PYGB: variants seen among roughly 807,000 people sequenced by gnomAD.
The protein encoded by PYGB is glycogen phosphorylase, brain form.
In PYGB, 82 loss-of-function variants were observed where a neutral mutation model predicts 94.3. That is an observed-to-expected ratio of 0.87 (90% CI 0.73 to 1.04). PYGB has a LOEUF of 1.04. PYGB is among the 50% of genes least tolerant of loss of function. The probability of loss-of-function intolerance (pLI) is 0.00; values close to 1 mark genes in which losing one functional copy is unlikely to be tolerated. For missense variants in PYGB, 1,132 were observed against 1,158.2 expected, an observed-to-expected ratio of 0.98 and a Z score of 0.33; for synonymous variants, 488 against 479.1, an observed-to-expected ratio of 1.02 and a Z score of -0.24.
chr20:25,283,483 G>A (rs886480727), intron 13 of PYGB, among the ~76,000 whole-genome samples: 4 of 152,212 alleles, frequency 2.6e-5, no homozygotes, highest in East Asian at 1.9e-4. Context: ...TGAGGGCCCC[G>A]AGGAGGACAG....
chr20:25,295,151 A>AC (rs1356493052), intron 18 of PYGB: 2 of 1,014,266 alleles, frequency 2.0e-6, no homozygotes, highest in Non-Finnish European at 3.1e-6. Flanking sequence ...TGTTCAGCAC[A>AC]TCAGGAACTG....
chr20:25,255,826 C>T (rs1600720669), intron 1 of PYGB, among the ~76,000 whole-genome samples: 3 of 151,990 alleles, frequency 2.0e-5, no homozygotes, highest in South Asian at 4.2e-4. Context: ...CTCCGCCTCC[C>T]GGGTTCAGGC....
Position 25,248,435 on chromosome 20 carries a change from C to T in PYGB, c.243+14C>T, listed in dbSNP as rs910618178. On this transcript the variant is annotated intron_variant, in intron 1 of 19. Coordinates refer to ENST00000216962, the MANE Select transcript of PYGB (RefSeq NM_002862.4). ...CGCGACCCCAAGGTGAGGCGCTGCC[C>T]CGCCCTGTGCGCCCGTGCCCGCTGA... The T allele has an allele frequency of 3.5e-6, 5 of 1,424,416 alleles. No homozygotes were observed. The African/African-American group carries it at 5.9e-5, about 17-fold the overall frequency. The allele number at this position is 1,424,416 out of a possible 1,614,324, so 88.2% of individuals were successfully genotyped here.
intron 13 of PYGB, among the ~76,000 whole-genome samples, 157 bp downstream of exon 13, chr20:25,283,434 G>C (rs1427172057): frequency 6.6e-6 from 1 of 152,178 alleles, no homozygotes; most frequent in Admixed American, 6.5e-5. Context: ...AGGCTGTTAG[G>C]GTTGCCTGAG....
intron 18 of PYGB, chr20:25,294,731 C>T (rs2088513061): frequency 1.6e-6 from 1 of 623,016 alleles, no homozygotes; most frequent in Admixed American, 2.4e-5. Context: ...ATGGATTTCA[C>T]TTGCAACGAT....
chr20:25,288,359 T>C, intron 14 of PYGB, 66 bp from the exon 15 acceptor site: 4 of 1,575,106 alleles, frequency 2.5e-6, no homozygotes, highest in Non-Finnish European at 3.5e-6. Context: ...CTGATGCTGC[T>C]GGGCCCCAGC....
chr20:25,296,239 C>T, intron 19 of PYGB, 131 bp from the exon 20 acceptor site: 3 of 1,111,530 alleles, frequency 2.7e-6, no homozygotes, highest in Non-Finnish European at 1.3e-6. Context: ...ATTGTAATGT[C>T]CTCCTCTTCC....
intron 17 of PYGB, among the ~76,000 whole-genome samples, chr20:25,293,505 C>T (rs926679979): frequency 2.0e-5 from 3 of 152,208 alleles, no homozygotes; most frequent in African/African-American, 2.4e-5. Context: ...GCCTGATTGC[C>T]TTGAAGCACT....
chr20:25,295,418 C>G (rs1274303620), intron 18 of PYGB, among the ~76,000 whole-genome samples, 186 bp from the exon 19 acceptor site: 1 of 152,288 alleles, frequency 6.6e-6, no homozygotes, highest in African/African-American at 2.4e-5. Context: ...GTGTTGCTCA[C>G]AGAGAAGCCC....
intron 1 of PYGB, among the ~76,000 whole-genome samples, chr20:25,252,251 G>A (rs1432353207): frequency 6.6e-6 from 1 of 152,236 alleles, no homozygotes; most frequent in Non-Finnish European, 1.5e-5. Flanking sequence ...TACAGTGTGT[G>A]CCTTCATTTT....
intron 17 of PYGB, 193 bp from the exon 18 acceptor site, chr20:25,293,965 C>T (rs2088500104): frequency 3.1e-6 from 2 of 644,684 alleles, no homozygotes; most frequent in Admixed American, 2.9e-5. Context: ...GACTTCACAT[C>T]TCTGCTCGAG....
At position 25,280,343 on chromosome 20, in the gene PYGB, G is replaced by C; in HGVS notation, c.1170G>C (p.Val390=). Reference sequence around the variant, plus strand: ...CTGAGGCCTTGGAGCGCTGGCCCGTGTCCATGTTTGAGAAGCTGCTGCCGC... The same window carrying C: ...CTGAGGCCTTGGAGCGCTGGCCCGTCTCCATGTTTGAGAAGCTGCTGCCGC... ...VLPEALERWP[V]SMFEKLLPRH... is the part of the protein sequence containing the mutation. Residue 390 remains valine (V), a synonymous_variant, in exon 10 of 20, where the codon GTG becomes GTC. Transcript: ENST00000216962. The C allele has an allele frequency of 6.2e-7, 1 of 1,614,148 alleles. No homozygotes were observed. Among genetic ancestry groups the C allele is most frequent in the Non-Finnish European group, 8.5e-7 (1 of 1,179,964 alleles).
chr20:25,291,265 C>T (rs1480911435), intron 16 of PYGB, among the ~76,000 whole-genome samples: 2 of 152,164 alleles, frequency 1.3e-5, no homozygotes, highest in Non-Finnish European at 2.9e-5. Flanking sequence ...GCCATGTGCC[C>T]TGGAGCCCAT....
At position 25,290,508 on chromosome 20, in the gene PYGB, C is replaced by T. The variant is rs1240847562; in HGVS notation, c.1855C>T (p.Leu619=). The T allele has an allele frequency of 1.2e-6, 2 of 1,610,360 alleles. No individual in the cohort carries two copies. The highest frequency in any genetic ancestry group is 1.7e-6 in the Non-Finnish European group (2 of 1,176,800). ...AGCGCCCGGTTACCACATGGCCAAG[C>T]TGATCATCAAGTTGGTCACCTCCAT... is the stretch of plus-strand genomic sequence containing the variant. ...KAAPGYHMAK[L]IIKLVTSIGD... Residue 619 remains leucine (L), a synonymous_variant, in exon 16 of 20, where the codon CTG becomes TTG. Coordinates refer to ENST00000216962, the MANE Select transcript of PYGB (RefSeq NM_002862.4).
chr20:25,270,927 G>A lies in PYGB; in HGVS notation c.425-456G>A, dbSNP rs114780905. The stretch of plus-strand genomic sequence containing the variant: ...TGGTACTGCGGTGTTTGCACAGGTG[G>A]ACATTGATTTGTATGCAGCCAGCTG... On this transcript the variant is annotated intron_variant, in intron 3 of 19. Coordinates refer to ENST00000216962, the MANE Select transcript of PYGB (RefSeq NM_002862.4). Among the ~76,000 whole-genome samples the A allele has an allele frequency of 4.5e-3, 691 of 152,346 alleles. 6 individuals are homozygous for A. Among genetic ancestry groups the A allele is most frequent in the African/African-American group, 0.016 (655 of 41,572 alleles).
rs1330868473 is a variant in PYGB at position 25,268,168 on chromosome 20, C to CCG, written c.346-960_346-959insGC. On this transcript the variant is annotated intron_variant, in intron 2 of 19. Transcript: ENST00000216962. Reference sequence around the variant, plus strand: ...GAGTAAATCCTAGCACCCGCCCCCCCCCCATATCCAAAATATTGTTGGTGG... The same window carrying CCG: ...GAGTAAATCCTAGCACCCGCCCCCCCCGCCCATATCCAAAATATTGTTGGTGG... 7.1e-4 allele frequency among the ~76,000 whole-genome samples: 69 copies of CCG among 97,834 alleles called. 2 individuals carry two copies. The highest frequency in any genetic ancestry group is 1.1e-3 in the Non-Finnish European group (50 of 47,368). 64.2% of individuals were successfully genotyped at this position (97,834 alleles called of 152,430 possible).
rs1261874036 is a variant in PYGB at position 25,248,135 on chromosome 20, C to T, written c.-44C>T. On this transcript the variant is annotated 5_prime_UTR_variant, in exon 1 of 20. Coordinates refer to ENST00000216962, the MANE Select transcript of PYGB (RefSeq NM_002862.4). ...ACCATCCCGGCGTTCGCGTGTGCCG[C>T]CGCTTTCCTCCTCCATCTCTTTTCC... 4 of 1,525,916 alleles carry T rather than the reference C, an allele frequency of 2.6e-6. No homozygotes were observed. The highest frequency in any genetic ancestry group is 3.8e-5 in the Admixed American group (2 of 52,278). 94.5% of individuals were successfully genotyped at this position (1,525,916 alleles called of 1,614,324 possible).
rs141892298 is a variant in PYGB, at chr20:25,263,750, A to G, written c.345+4412A>G. 9.0e-3 allele frequency among the ~76,000 whole-genome samples: 1,375 copies of G among 152,332 alleles called. 18 individuals are homozygous for G. Among genetic ancestry groups the G allele is most frequent in the African/African-American group, 0.031 (1,290 of 41,568 alleles). ...AACCAGGAAGAAGTTGAATTCCTGA[A>G]TAGACCAATAACAGGCTTTGAAATT... On this transcript the variant is annotated intron_variant, in intron 2 of 19. Coordinates refer to ENST00000216962, the MANE Select transcript of PYGB (RefSeq NM_002862.4).
rs1252810929 is a variant in PYGB, at chr20:25,276,145, G to C, written c.661-501G>C. On this transcript the variant is annotated intron_variant, in intron 5 of 19. Coordinates refer to ENST00000216962, the MANE Select transcript of PYGB (RefSeq NM_002862.4). ...AGCGCAGCTGGGCTTGTGCTGGGGG[G>C]CTGGGAACATGGAGGGTAGCAGGCA... is the stretch of plus-strand genomic sequence containing the variant. Among the ~76,000 whole-genome samples, 3 of 152,176 alleles carry C rather than the reference G, an allele frequency of 2.0e-5. No individual in the cohort carries two copies. The East Asian group carries it at 5.8e-4, about 29-fold the overall frequency.
Sources: allele counts gnomAD v4.1 joint callset (sites outside exome capture counted in the v4.1 genomes callset), GRCh38; gene constraint gnomAD v4.1.1; transcripts MANE v1.5; gene names NCBI Gene and HGNC (gene_info 2026-07-23, HGNC 2026-07-21).